PREX1: variants seen among roughly 807,000 people sequenced by gnomAD.
PREX1 encodes phosphatidylinositol-3,4,5-trisphosphate dependent Rac exchange factor 1.
Under a neutral mutation model 198.3 loss-of-function variants are expected in PREX1, and 41 were observed. That is an observed-to-expected ratio of 0.21 (90% CI 0.16 to 0.27). The LOEUF (loss-of-function observed/expected upper bound fraction) is 0.27, where lower values mean the gene tolerates loss of function less well. PREX1 is among the 10% of genes least tolerant of loss of function. The probability of loss-of-function intolerance (pLI) is 1.00; values close to 1 mark genes in which losing one functional copy is unlikely to be tolerated. For synonymous variants in PREX1, 843 were observed against 887.2 expected (o/e 0.95, Z 0.89); for missense variants, 1,620 against 2,200.7 (o/e 0.74, Z 5.28).
chr20:48,844,331 C>G, the PREX1 span, among the ~76,000 whole-genome samples: 2 of 152,174 alleles, frequency 1.3e-5, no homozygotes, highest in East Asian at 3.8e-4. Context: ...TGCTCAGACT[C>G]TATCTTCTAC....
At chr20:48,717,354 C>A (rs1481474606) in intron 5 of PREX1, among the ~76,000 whole-genome samples, 1 of 152,172 alleles carries the variant, frequency 6.6e-6, no homozygotes, top group Non-Finnish European at 1.5e-5. Context: ...CCTCCAGTCA[C>A]ACAGGCCTGC....
the PREX1 span, among the ~76,000 whole-genome samples, chr20:48,866,663 A>T: frequency 6.6e-6 from 1 of 152,314 alleles, no homozygotes; most frequent in African/African-American, 2.4e-5. Flanking sequence ...ACAGTGGCTC[A>T]CACCTGTAAT....
chr20:48,634,649 C>T, intron 33 of PREX1, 27 bp downstream of exon 33: 1 of 1,602,188 alleles, frequency 6.2e-7, no homozygotes, highest in Non-Finnish European at 8.6e-7. Flanking sequence ...CCACCTCTCA[C>T]AGTGGGGGAT....
intron 6 of PREX1, among the ~76,000 whole-genome samples, chr20:48,702,222 A>AG (rs1181366217): frequency 6.6e-6 from 1 of 151,550 alleles, no homozygotes; most frequent in East Asian, 1.9e-4. Flanking sequence ...AAAAAAAAAA[A>AG]AAGATAAAGA....
At chr20:48,763,358 T>G (rs2090192645) in intron 1 of PREX1, among the ~76,000 whole-genome samples, 2 of 152,204 alleles carry the variant, frequency 1.3e-5, no homozygotes, top group African/African-American at 4.8e-5. Flanking sequence ...CAGGCCCTGC[T>G]TTGGGTGGCA....
At position 48,625,505 on chromosome 20, in the gene PREX1, T is replaced by G; in HGVS notation, c.*380A>C. 4.9e-6 allele frequency: 1 copy of G among 205,880 alleles called. No individual in the cohort carries two copies. The highest frequency in any genetic ancestry group is 1.1e-4 in the South Asian group (1 of 8,942). The allele number at this position is 205,880 out of a possible 1,614,324, so 12.8% of individuals were successfully genotyped here. ...ATGTGGACGTTGAAGGAAACCGGGG[T>G]TTCAAAAGTGCAGGCGGAGCCATCC... On this transcript the variant is annotated 3_prime_UTR_variant, in exon 40 of 40. Transcript: ENST00000371941.
Position 48,679,588 on chromosome 20 carries a change from G to A in PREX1, c.1539+63C>T, listed in dbSNP as rs919607122. The A allele has an allele frequency of 3.7e-5, 55 of 1,499,990 alleles. No homozygotes were observed. The Middle Eastern group carries it at 1.2e-3, about 33-fold the overall frequency. 92.9% of individuals were successfully genotyped at this position (1,499,990 alleles called of 1,614,324 possible). A position where few individuals can be genotyped will look rare whatever the true frequency, so the allele number is the denominator to read the frequency against. On this transcript the variant is annotated intron_variant, in intron 12 of 39. Transcript: ENST00000371941. Reference sequence around the variant, plus strand: ...AAGGGGCACAGGCCTGCTCTGAGGCGAACCCAGGGTGGAGGTGAACGAGGC... The same window carrying A: ...AAGGGGCACAGGCCTGCTCTGAGGCAAACCCAGGGTGGAGGTGAACGAGGC...
At chr20:48,705,364 C>T (rs920919134) in intron 6 of PREX1, among the ~76,000 whole-genome samples, 1 of 152,160 alleles carries the variant, frequency 6.6e-6, no homozygotes, top group Non-Finnish European at 1.5e-5. Context: ...GGGTAAAAAA[C>T]ACACATATGG....
rs2090115234 is a variant in PREX1 at position 48,747,680 on chromosome 20, G to A, written c.291+129C>T. ...AGGGAGCAAGCTGGGGCAGGGCAAA[G>A]CTGGCGGCCAGCAGCCAGCGGGTGA... On this transcript the variant is annotated intron_variant, in intron 2 of 39. Transcript: ENST00000371941. 3 of 1,042,674 alleles carry A rather than the reference G, an allele frequency of 2.9e-6. No homozygotes were observed. In the South Asian group the frequency reaches 4.5e-5, roughly 16 times the overall value. 64.6% of individuals were successfully genotyped at this position (1,042,674 alleles called of 1,614,324 possible). A position where few individuals can be genotyped will look rare whatever the true frequency, so the allele number is the denominator to read the frequency against.
intron 5 of PREX1, among the ~76,000 whole-genome samples, chr20:48,720,659 G>A (rs1055572523): frequency 1.3e-5 from 2 of 151,954 alleles, no homozygotes; most frequent in Non-Finnish European, 2.9e-5. Flanking sequence ...CTTCTGGAAA[G>A]CTATGAGTAG....
At chr20:48,763,135 C>T (rs2090190943) in intron 1 of PREX1, among the ~76,000 whole-genome samples, 1 of 152,252 alleles carries the variant, frequency 6.6e-6, no homozygotes, top group South Asian at 2.1e-4. Context: ...TGAATTATAT[C>T]TCACACTATT....
In PREX1 at chr20:48,637,704, G is replaced by C; in HGVS notation, c.3946+7C>G. 6 of 1,609,148 alleles carry C rather than the reference G, an allele frequency of 3.7e-6. No homozygotes were observed. The highest frequency in any genetic ancestry group is 5.1e-6 in the Non-Finnish European group (6 of 1,177,970). On this transcript the variant is annotated splice_region_variant and intron_variant, in intron 31 of 39. Transcript: ENST00000371941. ...ATGTGCCCCCCACACACCTTTAAAGGCCTCACCTGTGCACTTCAGCAAGGC... is the reference window on the plus strand; with the variant it reads ...ATGTGCCCCCCACACACCTTTAAAGCCCTCACCTGTGCACTTCAGCAAGGC...
At chr20:48,685,797 G>A (rs907046389) in intron 10 of PREX1, among the ~76,000 whole-genome samples, 2 of 152,168 alleles carry the variant, frequency 1.3e-5, no homozygotes, top group African/African-American at 2.4e-5. Flanking sequence ...CTACTCAGGA[G>A]GCAGGAAGAT....
intron 1 of PREX1, among the ~76,000 whole-genome samples, chr20:48,757,758 C>A (rs2090161512): frequency 6.6e-6 from 1 of 152,194 alleles, no homozygotes; most frequent in African/African-American, 2.4e-5. Context: ...AGCCCCTGGA[C>A]CAGCTCAGAC....
chr20:48,652,154 G>A (rs887362224), intron 21 of PREX1, among the ~76,000 whole-genome samples: 1 of 152,202 alleles, frequency 6.6e-6, no homozygotes, highest in Non-Finnish European at 1.5e-5. Flanking sequence ...CATCGCGGCC[G>A]TGCGCAGTGG....
In PREX1 at chr20:48,659,922, C is replaced by T. The variant is rs749361975; in HGVS notation, c.1878G>A (p.Leu626=). Reference sequence around the variant, plus strand: ...AGCTGCTCAGCTGTGCTCCTACCAGCAGGCGCTTGGCCAGAATGTTCTCCA... The same window carrying T: ...AGCTGCTCAGCTGTGCTCCTACCAGTAGGCGCTTGGCCAGAATGTTCTCCA... ...KLVENILAKR[L]LILPQEEDYG... The change falls in exon 16 of 40, where the codon CTG becomes CTA. Residue 626 remains leucine, a synonymous_variant. Transcript: ENST00000371941. The T allele has an allele frequency of 8.1e-6, 13 of 1,614,164 alleles. No homozygotes were observed. The Admixed American group carries it at 2.2e-4, about 27-fold the overall frequency.
chr20:48,724,194 C>T (rs1027054656), intron 5 of PREX1, among the ~76,000 whole-genome samples: 1 of 152,118 alleles, frequency 6.6e-6, no homozygotes, highest in African/African-American at 2.4e-5. Flanking sequence ...TCAGAATGCC[C>T]GGGTTCTAAT....
intron 15 of PREX1, among the ~76,000 whole-genome samples, chr20:48,661,458 TATATATATATACAC>T (rs1288961099): frequency 9.4e-6 from 1 of 105,852 alleles, no homozygotes; most frequent in African/African-American, 5.0e-5. Context: ...TATATATATA[TATATATATATACAC>T]ACACATATAT....
intron 5 of PREX1, 115 bp downstream of exon 5, chr20:48,726,175 A>T: frequency 1.2e-6 from 1 of 821,562 alleles, no homozygotes; most frequent in Non-Finnish European, 2.0e-6. Flanking sequence ...GTTTAAATCC[A>T]GCCCGGCCCA....
Sources: gnomAD v4.1 joint callset for allele counts (sites outside exome capture counted in the v4.1 genomes callset) on GRCh38, gnomAD v4.1.1 for gene constraint, MANE v1.5 for transcripts, NCBI Gene and HGNC (gene_info 2026-07-23, HGNC 2026-07-21) for gene names.